CNOT6L: variants seen among roughly 807,000 people sequenced by gnomAD.
CNOT6L encodes the protein CCR4-NOT transcription complex subunit 6-like.
CNOT6L carries 7 observed loss-of-function variants against 64.0 expected under a neutral mutation model. The ratio of observed to expected loss-of-function variants is 0.11; its 90% confidence interval spans 0.06 to 0.21. The LOEUF (loss-of-function observed/expected upper bound fraction) is 0.21. Among genes scored for constraint, CNOT6L ranks in the 10% least tolerant of loss-of-function variants. CNOT6L has a pLI of 1.00. For synonymous variants in CNOT6L, 193 were observed against 243.4 expected, an observed-to-expected ratio of 0.79 and a Z score of 1.93; for missense variants, 245 against 669.0, an observed-to-expected ratio of 0.37 and a Z score of 6.99.
chr4:77,781,889 C>T (rs1281050136), intron 1 of CNOT6L, among the ~76,000 whole-genome samples: 1 of 152,140 alleles, frequency 6.6e-6, no homozygotes, highest in African/African-American at 2.4e-5. Context: ...CACCAGAGTG[C>T]TTCATAATGA....
At chr4:77,722,509 AC>A (rs1194494133) in intron 11 of CNOT6L, among the ~76,000 whole-genome samples, 1 of 152,102 alleles carries the variant, frequency 6.6e-6, no homozygotes, top group Non-Finnish European at 1.5e-5. Context: ...GTTGCAGTGT[AC>A]TTAGAACACG....
intron 1 of CNOT6L, among the ~76,000 whole-genome samples, chr4:77,808,999 T>C (rs1732591760): frequency 6.6e-6 from 1 of 152,212 alleles, no homozygotes; most frequent in Non-Finnish European, 1.5e-5. Flanking sequence ...TGTATTGTTT[T>C]TTAGTTTGGT....
At chr4:77,782,459 A>G (rs1728966404) in intron 1 of CNOT6L, among the ~76,000 whole-genome samples, 1 of 151,926 alleles carries the variant, frequency 6.6e-6, no homozygotes, top group Non-Finnish European at 1.5e-5. Context: ...CAGACTCCCC[A>G]GTAGCTGGGA....
chr4:77,736,814 AT>A (rs1262582478), intron 8 of CNOT6L, among the ~76,000 whole-genome samples: 1 of 152,126 alleles, frequency 6.6e-6, no homozygotes, highest in African/African-American at 2.4e-5. Flanking sequence ...GTATATTCAC[AT>A]TTTTGAAAAA....
At chr4:77,757,590 C>A (rs1482295753) in intron 4 of CNOT6L, among the ~76,000 whole-genome samples, 3 of 152,128 alleles carry the variant, frequency 2.0e-5, no homozygotes, top group African/African-American at 7.2e-5. Flanking sequence ...AAGCATGCAA[C>A]AACAGTCTAG....
At chr4:77,819,658 T>TGCG (rs1176573892), upstream of CNOT6L, 1 of 147,638 alleles carries the variant, frequency 6.8e-6, no homozygotes, top group African/African-American at 2.5e-5. Context: ...GTGCTGGTGC[T>TGCG]GCGGCGGCGG....
intron 11 of CNOT6L, among the ~76,000 whole-genome samples, chr4:77,724,479 A>G (rs1721615190): frequency 6.6e-6 from 1 of 152,022 alleles, no homozygotes; most frequent in Admixed American, 6.6e-5. Context: ...TCTGTACTAA[A>G]AATACAAAAA....
intron 8 of CNOT6L, among the ~76,000 whole-genome samples, chr4:77,738,487 C>T (rs901768272): frequency 2.0e-4 from 31 of 152,224 alleles, no homozygotes; most frequent in African/African-American, 7.0e-4. Flanking sequence ...GGCGCGGTTG[C>T]TCACGCCTGT....
chr4:77,739,522 G>A (rs1638560044), intron 8 of CNOT6L, among the ~76,000 whole-genome samples: 1 of 152,176 alleles, frequency 6.6e-6, no homozygotes, highest in African/African-American at 2.4e-5. Context: ...AAGAATAAAG[G>A]CAGGGTATAA....
In CNOT6L at chr4:77,726,089, CAT is replaced by C. The variant is rs762247295; in HGVS notation, c.1455+76_1455+77del. The C allele has an allele frequency of 2.1e-5, 27 of 1,256,370 alleles. 1 individual carries two copies. The African/African-American group carries it at 3.4e-4, about 16-fold the overall frequency. The allele number at this position is 1,256,370 out of a possible 1,614,324, so 77.8% of individuals were successfully genotyped here. Reference sequence around the variant, plus strand: ...AATTCCTGAAGATTATACAATTAATCATAAAGAATTTACACCTTTTTTGTTAC... The same window carrying C: ...AATTCCTGAAGATTATACAATTAATCAAAGAATTTACACCTTTTTTGTTAC... On this transcript the variant is annotated intron_variant, in intron 11 of 11. Coordinates refer to ENST00000504123, the MANE Select transcript of CNOT6L (RefSeq NM_144571.3).
intron 3 of CNOT6L, among the ~76,000 whole-genome samples, chr4:77,773,596 A>G (rs187685751): frequency 1.3e-5 from 2 of 152,336 alleles, no homozygotes; most frequent in East Asian, 3.9e-4. Context: ...TGTAATTAGT[A>G]GCCAATCACC....
At chr4:77,749,437 G>A (rs1307052243) in intron 5 of CNOT6L, among the ~76,000 whole-genome samples, 2 of 152,088 alleles carry the variant, frequency 1.3e-5, no homozygotes, top group African/African-American at 4.8e-5. Context: ...TATAGAAACA[G>A]AAAGAGTAAA....
Position 77,742,257 on chromosome 4 carries a change from T to C in CNOT6L, c.756A>G (p.Pro252=). ...ETEQYFTLFL[P]ALKERGYDGF... ...CATCATATCCACGCTCCTTCAATGC[T>C]GGCAGAAAGAGAGTGAAGTATTGCT... Residue 252 remains proline, a synonymous_variant, in exon 8 of 12, where the codon CCA becomes CCG. Transcript: ENST00000504123. The C allele has an allele frequency of 1.9e-6, 3 of 1,612,682 alleles. No homozygotes were observed. The South Asian group carries it at 3.3e-5, about 18-fold the overall frequency.
At chr4:77,811,435 T>A (rs1475819428) in intron 1 of CNOT6L, among the ~76,000 whole-genome samples, 7 of 152,070 alleles carry the variant, frequency 4.6e-5, no homozygotes, top group Admixed American at 4.6e-4. Flanking sequence ...TAGTCCCAGC[T>A]TCTCAAGAGG....
intron 4 of CNOT6L, among the ~76,000 whole-genome samples, chr4:77,761,594 A>G (rs890112245): frequency 1.3e-5 from 2 of 152,190 alleles, no homozygotes; most frequent in African/African-American, 4.8e-5. Flanking sequence ...TAATGACAAA[A>G]ACCATTCAGC....
chr4:77,805,411 A>C (rs1732102751), intron 1 of CNOT6L, among the ~76,000 whole-genome samples: 1 of 152,178 alleles, frequency 6.6e-6, no homozygotes, highest in Non-Finnish European at 1.5e-5. Context: ...ATCTCAGGAA[A>C]CCTGTGAATT....
chr4:77,804,687 G>A (rs2110155972), intron 1 of CNOT6L, among the ~76,000 whole-genome samples: 1 of 152,256 alleles, frequency 6.6e-6, no homozygotes, highest in South Asian at 2.1e-4. Flanking sequence ...TGTAGTGGTG[G>A]TTGGCAACAT....
Position 77,799,946 on chromosome 4 carries a change from C to T in CNOT6L, c.5+19358G>A, listed in dbSNP as rs540448326. Among the ~76,000 whole-genome samples the T allele has an allele frequency of 7.2e-5, 11 of 152,154 alleles. No individual in the cohort carries two copies. The South Asian group carries it at 8.3e-4, about 11-fold the overall frequency. On this transcript the variant is annotated intron_variant, in intron 1 of 11. Coordinates refer to ENST00000504123, the MANE Select transcript of CNOT6L (RefSeq NM_144571.3). ...TTTTCCTTTTCCTACCTTCCAATTTCGGGCTCTGCCTCTCTGGTAGTACAT... is the reference window on the plus strand; with the variant it reads ...TTTTCCTTTTCCTACCTTCCAATTTTGGGCTCTGCCTCTCTGGTAGTACAT...
At chr4:77,759,437 C>A (rs1415091240) in intron 4 of CNOT6L, among the ~76,000 whole-genome samples, 3 of 151,808 alleles carry the variant, frequency 2.0e-5, no homozygotes, top group African/African-American at 7.3e-5. Context: ...TGGTTGCGGG[C>A]GCTTGTAGTC....
Sources: allele counts gnomAD v4.1 joint callset (sites outside exome capture counted in the v4.1 genomes callset), GRCh38; gene constraint gnomAD v4.1.1; transcripts MANE v1.5; gene names NCBI Gene and HGNC (gene_info 2026-07-23, HGNC 2026-07-21).